Variants in ZMAT4 observed in about 807,000 individuals in gnomAD.
ZMAT4 encodes zinc finger matrin-type protein 4.
ZMAT4 carries 17 observed loss-of-function variants against 28.7 expected under a neutral mutation model. The ratio of observed to expected loss-of-function variants is 0.59; its 90% CI spans 0.41 to 0.89. ZMAT4 has a LOEUF of 0.89. ZMAT4 is among the 40% of genes least tolerant of loss of function. The pLI is 0.00. For missense variants in ZMAT4, 240 were observed against 283.8 expected, an observed-to-expected ratio of 0.85 and a Z score of 1.11; for synonymous variants, 117 against 109.2, an observed-to-expected ratio of 1.07 and a Z score of -0.44.
intron 1 of ZMAT4, among the ~76,000 whole-genome samples, chr8:40,869,566 C>T (rs1294329365): frequency 6.6e-6 from 1 of 152,124 alleles, no homozygotes; most frequent in African/African-American, 2.4e-5. Context: ...ATTAGAAGAA[C>T]AAAAGGAGAA....
intron 1 of ZMAT4, among the ~76,000 whole-genome samples, chr8:40,853,641 G>T (rs1817194826): frequency 6.6e-6 from 1 of 152,098 alleles, no homozygotes; most frequent in African/African-American, 2.4e-5. Flanking sequence ...GTTTGTTTTT[G>T]GTTTCTTTTT....
At chr8:40,550,118 C>T (rs1308743421) in intron 6 of ZMAT4, among the ~76,000 whole-genome samples, 1 of 152,088 alleles carries the variant, frequency 6.6e-6, no homozygotes, top group Non-Finnish European at 1.5e-5. Flanking sequence ...GGTTCCAACT[C>T]CTGAGTTGTG....
intron 3 of ZMAT4, among the ~76,000 whole-genome samples, chr8:40,700,411 C>CTT (rs1353453005): frequency 2.1e-5 from 2 of 97,322 alleles, no homozygotes; most frequent in African/African-American, 8.8e-5. Flanking sequence ...TGCTGCTTTT[C>CTT]TTTTTTTTTT....
chr8:40,734,847 A>G (rs1239506779), intron 3 of ZMAT4, among the ~76,000 whole-genome samples: 2 of 152,252 alleles, frequency 1.3e-5, no homozygotes, highest in African/African-American at 4.8e-5. Flanking sequence ...ATTTAAAAAA[A>G]TCTCTAAAGA....
At chr8:40,806,607 C>T (rs1044612966) in intron 2 of ZMAT4, among the ~76,000 whole-genome samples, 1 of 152,192 alleles carries the variant, frequency 6.6e-6, no homozygotes, top group African/African-American at 2.4e-5. Context: ...TTTCACATTT[C>T]ATTGAATAGA....
intron 5 of ZMAT4, among the ~76,000 whole-genome samples, chr8:40,641,275 T>C (rs986488282): frequency 6.6e-6 from 1 of 152,176 alleles, no homozygotes; most frequent in African/African-American, 2.4e-5. Flanking sequence ...TAAAAGCCTT[T>C]TAAAAGAAAA....
At chr8:40,801,351 A>AAAATATATATATAT (rs370796453) in intron 2 of ZMAT4, among the ~76,000 whole-genome samples, 18 of 97,260 alleles carry the variant, frequency 1.9e-4, no homozygotes, top group African/African-American at 6.3e-4. Context: ...TAAAAAAAAA[A>AAAATATATATATAT]ATATATATAT....
At chr8:40,678,454 A>G (rs994945958) in intron 4 of ZMAT4, among the ~76,000 whole-genome samples, 4 of 152,178 alleles carry the variant, frequency 2.6e-5, no homozygotes, top group African/African-American at 9.6e-5. Context: ...CATGACCAGA[A>G]TGGTGTGCTG....
chr8:40,881,443 GA>G (rs1262361220), intron 1 of ZMAT4, among the ~76,000 whole-genome samples: 1 of 101,684 alleles, frequency 9.8e-6, no homozygotes, highest in East Asian at 2.4e-4. Flanking sequence ...GAGAAAGAAA[GA>G]AAGAAAGAAA....
At chr8:40,815,300 CAG>C (rs1269295296) in intron 2 of ZMAT4, among the ~76,000 whole-genome samples, 1 of 151,940 alleles carries the variant, frequency 6.6e-6, no homozygotes, top group African/African-American at 2.4e-5. Flanking sequence ...TAAAATAAAA[CAG>C]GGGAAATAAA....
At chr8:40,801,351 A>AAAAATAT (rs370796453) in intron 2 of ZMAT4, among the ~76,000 whole-genome samples, 3 of 97,254 alleles carry the variant, frequency 3.1e-5, no homozygotes, top group African/African-American at 7.4e-5. Context: ...TAAAAAAAAA[A>AAAAATAT]ATATATATAT....
intron 3 of ZMAT4, among the ~76,000 whole-genome samples, chr8:40,733,463 T>C (rs958055313): frequency 6.6e-6 from 1 of 152,254 alleles, no homozygotes; most frequent in Non-Finnish European, 1.5e-5. Flanking sequence ...TATTATTATA[T>C]ACTTCAAAGT....
chr8:40,891,345 C>G (rs1370568557), intron 1 of ZMAT4, among the ~76,000 whole-genome samples: 1 of 137,440 alleles, frequency 7.3e-6, no homozygotes, highest in Non-Finnish European at 1.5e-5. Flanking sequence ...GTGGTCACCA[C>G]GTTGGCCACC....
At chr8:40,535,932 C>A (rs181352512) in intron 6 of ZMAT4, among the ~76,000 whole-genome samples, 3 of 152,172 alleles carry the variant, frequency 2.0e-5, no homozygotes, top group Admixed American at 2.0e-4. Context: ...CAGTCATGGG[C>A]CATGGTTTAC....
chr8:40,835,311 T>A (rs986638120), intron 1 of ZMAT4, among the ~76,000 whole-genome samples: 1 of 152,198 alleles, frequency 6.6e-6, no homozygotes, highest in East Asian at 1.9e-4. Context: ...ATGCTCCTTA[T>A]GTTTCCTGTC....
rs913586028 is a variant in ZMAT4, at chr8:40,538,627, A to G, written c.675-6389T>C. On this transcript the variant is annotated intron_variant, in intron 6 of 6. Transcript: ENST00000297737. Reference sequence around the variant, plus strand: ...TGAGAGAGTTCAGTACCCCTCTTCTATTCACTTACAGAACTCGAAATCTGG... The same window carrying G: ...TGAGAGAGTTCAGTACCCCTCTTCTGTTCACTTACAGAACTCGAAATCTGG... Among the ~76,000 whole-genome samples, 34 of 152,156 alleles carry G rather than the reference A, an allele frequency of 2.2e-4. 1 individual carries two copies. The highest frequency in any genetic ancestry group is 8.2e-4 in the African/African-American group (34 of 41,436).
chr8:40,601,792 G>A (rs563383685), intron 5 of ZMAT4, among the ~76,000 whole-genome samples: 7 of 152,132 alleles, frequency 4.6e-5, no homozygotes, highest in African/African-American at 7.2e-5. Context: ...ACCCTATAAG[G>A]TGTGTTTTAT....
intron 4 of ZMAT4, among the ~76,000 whole-genome samples, chr8:40,693,260 G>T (rs1809732224): frequency 6.6e-6 from 1 of 152,150 alleles, no homozygotes; most frequent in Non-Finnish European, 1.5e-5. Flanking sequence ...TGGACTATAG[G>T]CATGTGCCAT....
chr8:40,796,797 T>C (rs1814619247), intron 2 of ZMAT4, among the ~76,000 whole-genome samples: 1 of 152,196 alleles, frequency 6.6e-6, no homozygotes, highest in Non-Finnish European at 1.5e-5. Flanking sequence ...AGAGGTCACC[T>C]TGTTTTCTCT....
Sources: gnomAD v4.1 joint callset for allele counts (sites outside exome capture counted in the v4.1 genomes callset) on GRCh38, gnomAD v4.1.1 for gene constraint, MANE v1.5 for transcripts, NCBI Gene and HGNC (gene_info 2026-07-23, HGNC 2026-07-21) for gene names.